Variants in PCDHGB2 observed in about 807,000 individuals in gnomAD.
PCDHGB2 encodes protocadherin gamma-B2.
A neutral mutation model predicts 59.3 loss-of-function variants in PCDHGB2; 55 were observed. That is an observed-to-expected ratio of 0.93 (90% CI 0.75 to 1.16). PCDHGB2 has a LOEUF of 1.16. Among genes scored for constraint, PCDHGB2 ranks in the 50% most tolerant of loss-of-function variants. The pLI, the probability that PCDHGB2 is intolerant of heterozygous loss-of-function variation, is 0.00. For missense variants in PCDHGB2, 1,228 were observed against 1,198.5 expected, an observed-to-expected ratio of 1.02 and a Z score of -0.36; for synonymous variants, 516 against 512.0, an observed-to-expected ratio of 1.01 and a Z score of -0.11.
intron 1 of PCDHGB2, chr5:141,383,834 C>T: frequency 2.5e-6 from 4 of 1,613,906 alleles, no homozygotes; most frequent in Non-Finnish European, 3.4e-6. Context: ...TATGAAGAAA[C>T]TGCCTTCTAT....
At chr5:141,500,241 C>T (rs1284996879) in intron 2 of PCDHGB2, among the ~76,000 whole-genome samples, 18 of 150,770 alleles carry the variant, frequency 1.2e-4, no homozygotes, top group Non-Finnish European at 1.5e-5. Flanking sequence ...CGTAGCCTTG[C>T]TCTGTCACCC....
In PCDHGB2 at chr5:141,361,456, C is replaced by A. The variant is rs529112132; in HGVS notation, c.1321C>A (p.His441Asn). 6.2e-7 allele frequency: 1 copy of A among 1,613,916 alleles called. No homozygotes were observed. The highest frequency in any genetic ancestry group is 1.3e-5 in the African/African-American group (1 of 74,938). Residue 441 changes from histidine (H) to asparagine (N), a missense_variant, in exon 1 of 4, where the codon CAC becomes AAC. Coordinates refer to ENST00000522605, the MANE Select transcript of PCDHGB2 (RefSeq NM_018923.3). Reference protein sequence around the residue: ...PLSSSIIVTLHISDVNDNAPV... With the variant: ...PLSSSIIVTLNISDVNDNAPV... Reference sequence around the variant, plus strand: ...CTCCTCCAGCATAATTGTCACCCTGCACATCTCCGACGTCAACGATAATGC... The same window carrying A: ...CTCCTCCAGCATAATTGTCACCCTGAACATCTCCGACGTCAACGATAATGC...
Position 141,431,151 on chromosome 5 carries a change from C to A in PCDHGB2, c.2422-63656C>A, listed in dbSNP as rs764416448. On this transcript the variant is annotated intron_variant, in intron 1 of 3. Transcript: ENST00000522605. This position sits in a 1 kb window ranked among gnomAD's most constrained non-coding sequence, Gnocchi z 4.8. Reference sequence around the variant, plus strand: ...GTAAGGGACATTAACGACAATGCGCCTTACTTTCGTGAAAGTGAATTAGAA... The same window carrying A: ...GTAAGGGACATTAACGACAATGCGCATTACTTTCGTGAAAGTGAATTAGAA... 7.4e-6 allele frequency: 12 copies of A among 1,614,126 alleles called. No individual in the cohort carries two copies. Among genetic ancestry groups the A allele is most frequent in the Middle Eastern group, 1.6e-4 (1 of 6,084 alleles).
chr5:141,462,414 T>C (rs549473269), intron 1 of PCDHGB2, among the ~76,000 whole-genome samples: 1 of 152,360 alleles, frequency 6.6e-6, no homozygotes, highest in Non-Finnish European at 1.5e-5. Flanking sequence ...CAGAATATGG[T>C]CTATCTTGGT....
chr5:141,394,249 C>G (rs1055429829), intron 1 of PCDHGB2: 2 of 1,613,964 alleles, frequency 1.2e-6, no homozygotes, highest in South Asian at 2.2e-5. Context: ...GCACACGACC[C>G]CGACAGCCAG....
At chr5:141,448,850 C>A (rs1227646790) in intron 1 of PCDHGB2, among the ~76,000 whole-genome samples, 1 of 152,048 alleles carries the variant, frequency 6.6e-6, no homozygotes, top group Non-Finnish European at 1.5e-5. Context: ...GAGGCTGAGG[C>A]AGGAGAATGG....
intron 1 of PCDHGB2, chr5:141,385,673 C>T (rs1253807650): frequency 2.6e-6 from 1 of 384,964 alleles, no homozygotes; most frequent in Non-Finnish European, 3.8e-6. Context: ...TAAAACACAC[C>T]TCAGCTGTCT....
intron 1 of PCDHGB2, chr5:141,402,830 G>A: frequency 7.4e-7 from 1 of 1,346,490 alleles, no homozygotes; most frequent in Non-Finnish European, 9.8e-7. Flanking sequence ...CTCCCAGGCT[G>A]CAGCAAAACT....
chr5:141,380,680 C>A (rs952566953), intron 1 of PCDHGB2, among the ~76,000 whole-genome samples: 2 of 152,184 alleles, frequency 1.3e-5, no homozygotes, highest in Middle Eastern at 3.2e-3. Context: ...GGTATGTATG[C>A]TTTGTGTTCG....
chr5:141,403,263 T>A, intron 1 of PCDHGB2: 1 of 1,613,872 alleles, frequency 6.2e-7, no homozygotes, highest in East Asian at 2.2e-5. Flanking sequence ...CGGTGTCTGG[T>A]GAACTTTAAA....
chr5:141,492,384 C>G (rs1001189412), intron 1 of PCDHGB2, among the ~76,000 whole-genome samples: 1 of 152,230 alleles, frequency 6.6e-6, no homozygotes, highest in Non-Finnish European at 1.5e-5. Context: ...AGGCCTGTTC[C>G]GGTCCACTCG....
intron 1 of PCDHGB2, among the ~76,000 whole-genome samples, chr5:141,380,341 G>A (rs1359705635): frequency 6.6e-6 from 1 of 152,024 alleles, no homozygotes; most frequent in Non-Finnish European, 1.5e-5. Context: ...TCAAAGAACT[G>A]TTTTGTTGTT....
chr5:141,406,331 C>T lies in PCDHGB2; in HGVS notation c.2421+43775C>T, dbSNP rs577134835. 6.6e-5 allele frequency among the ~76,000 whole-genome samples: 10 copies of T among 152,002 alleles called. No homozygotes were observed. In the East Asian group the frequency reaches 1.3e-3, roughly 21 times the overall value. ...CTCACCCAGCAAATTCTTACTCCTA[C>T]GATCATTTATTCAGGTCATACTATG... On this transcript the variant is annotated intron_variant, in intron 1 of 3. Coordinates refer to ENST00000522605, the MANE Select transcript of PCDHGB2 (RefSeq NM_018923.3).
chr5:141,460,214 G>C (rs925628892), intron 1 of PCDHGB2, among the ~76,000 whole-genome samples: 1 of 151,896 alleles, frequency 6.6e-6, no homozygotes, highest in South Asian at 2.1e-4. Flanking sequence ...CATTTTCTTA[G>C]TTGTGTCTTT....
intron 1 of PCDHGB2, chr5:141,396,034 A>G (rs968115375): frequency 1.3e-5 from 2 of 152,256 alleles, no homozygotes; most frequent in African/African-American, 2.4e-5. Context: ...ATGTAAGAAC[A>G]TATTTCAATA....
rs199507728 is a variant in PCDHGB2, at chr5:141,422,807, G to A, written c.2421+60251G>A. On this transcript the variant is annotated intron_variant, in intron 1 of 3. Coordinates refer to ENST00000522605, the MANE Select transcript of PCDHGB2 (RefSeq NM_018923.3). ...CAATCCTTCGACTATGAGCAGTTTC[G>A]AGACTTAGAACTGAGAGTGATAGCA... 1.9e-3 allele frequency: 3,146 copies of A among 1,614,198 alleles called. 36 individuals are homozygous for A. The highest frequency in any genetic ancestry group is 0.018 in the South Asian group (1,680 of 91,084).
At chr5:141,400,178 T>G in intron 1 of PCDHGB2, 1 of 1,614,074 alleles carries the variant, frequency 6.2e-7, no homozygotes, top group Non-Finnish European at 8.5e-7. Context: ...CAGGCTGAGC[T>G]GCAGTTTTAC....
chr5:141,403,626 C>T, intron 1 of PCDHGB2: 1 of 1,613,910 alleles, frequency 6.2e-7, no homozygotes, highest in Non-Finnish European at 8.5e-7. Context: ...CGCTCCAGCA[C>T]AGTGCGCATC....
intron 1 of PCDHGB2, chr5:141,414,036 A>G: frequency 6.2e-7 from 1 of 1,612,018 alleles, no homozygotes; most frequent in South Asian, 1.1e-5. Context: ...CATTCCGAAA[A>G]TTACCTGACA....
Sources: gnomAD v4.1 joint callset for allele counts (sites outside exome capture counted in the v4.1 genomes callset) on GRCh38, gnomAD v4.1.1 for gene constraint, Gnocchi (gnomAD v3.1) non-coding constraint, MANE v1.5 for transcripts, NCBI Gene and HGNC (gene_info 2026-07-23, HGNC 2026-07-21) for gene names.